The following N4BP2 variants were observed in gnomAD, a reference collection of about 807,000 sequenced individuals.
N4BP2 encodes NEDD4-binding protein 2.
In N4BP2, 91 loss-of-function variants were observed where a neutral mutation model predicts 152.8. The observed-to-expected ratio is 0.60, with a 90% CI of 0.50 to 0.71. N4BP2 has a LOEUF of 0.71. Among genes scored for constraint, N4BP2 ranks in the 30% least tolerant of loss-of-function variants. The pLI is 0.00. For synonymous variants in N4BP2, 646 were observed against 705.3 expected, an observed-to-expected ratio of 0.92 and a Z score of 1.33; for missense variants, 1,923 against 2,059.1, an observed-to-expected ratio of 0.93 and a Z score of 1.28.
At chr4:40,061,236 C>T (rs1733630685) in intron 1 of N4BP2, among the ~76,000 whole-genome samples, 1 of 151,952 alleles carries the variant, frequency 6.6e-6, no homozygotes, top group Non-Finnish European at 1.5e-5. Context: ...GTGGCATAAT[C>T]TTGGCTCACT....
At chr4:40,114,682 C>T (rs1215457206) in intron 7 of N4BP2, among the ~76,000 whole-genome samples, 3 of 152,060 alleles carry the variant, frequency 2.0e-5, no homozygotes, top group African/African-American at 7.2e-5. Flanking sequence ...CTTGTCTTGC[C>T]TGACAGGGAT....
intron 6 of N4BP2, 98 bp from the exon 7 acceptor site, chr4:40,113,334 G>C: frequency 1.1e-6 from 1 of 882,394 alleles, no homozygotes; most frequent in Non-Finnish European, 1.8e-6. Context: ...ATCAAGATTA[G>C]ATAATCTTTA....
Position 40,090,968 on chromosome 4 carries a change from A to G in N4BP2, c.-114-6259A>G, listed in dbSNP as rs192481397. On this transcript the variant is annotated intron_variant, in intron 2 of 17. Transcript: ENST00000261435. ...AAAAAAAAAAAGTTTATAAGATCCTATTGAGGTTAATAAGTGAGGACTTAG... is the reference window on the plus strand; with the variant it reads ...AAAAAAAAAAAGTTTATAAGATCCTGTTGAGGTTAATAAGTGAGGACTTAG... Among the ~76,000 whole-genome samples the G allele has an allele frequency of 9.2e-4, 124 of 135,296 alleles. 2 individuals are homozygous for G. In the South Asian group the frequency reaches 0.018, roughly 20 times the overall value. 88.8% of individuals were successfully genotyped at this position (135,296 alleles called of 152,430 possible).
rs1004562184 is a variant in N4BP2, at chr4:40,120,189, A to C, written c.2078A>C (p.Gln693Pro). The part of the protein sequence containing the change: ...MYFSDSESKL[Q>P]ATDKSENEQI... Reference sequence around the variant, plus strand: ...TTTTCTGACTCTGAAAGCAAACTACAGGCAACAGACAAAAGTGAAAACGAG... The same window carrying C: ...TTTTCTGACTCTGAAAGCAAACTACCGGCAACAGACAAAAGTGAAAACGAG... Residue 693 changes from glutamine to proline, a missense_variant, in exon 9 of 18, where the codon CAG (glutamine) becomes CCG (proline). Gln to Pro is a moderately conservative substitution (Grantham distance 76). Coordinates refer to ENST00000261435, the MANE Select transcript of N4BP2 (RefSeq NM_018177.6). 1 of 1,613,670 alleles carries C rather than the reference A, an allele frequency of 6.2e-7. No homozygotes were observed. Among genetic ancestry groups the C allele is most frequent in the Non-Finnish European group, 8.5e-7 (1 of 1,179,986 alleles).
At chr4:40,106,199 T>G (rs950968050) in intron 4 of N4BP2, among the ~76,000 whole-genome samples, 1 of 152,236 alleles carries the variant, frequency 6.6e-6, no homozygotes, top group East Asian at 1.9e-4. Flanking sequence ...TGAATATTAA[T>G]TTACATAAAG....
At chr4:40,154,105 G>A (rs576624094) in intron 17 of N4BP2, 87 bp from the exon 18 acceptor site, 20 of 885,722 alleles carry the variant, frequency 2.3e-5, no homozygotes, top group African/African-American at 1.0e-4. Flanking sequence ...TATATTAAGC[G>A]TAGGTACTTG....
chr4:40,146,763 C>T (rs1720556150), intron 16 of N4BP2, among the ~76,000 whole-genome samples: 1 of 151,896 alleles, frequency 6.6e-6, no homozygotes, highest in Admixed American at 6.6e-5. Flanking sequence ...ATTAGCTCAG[C>T]AGAATGTATT....
chr4:40,128,738 G>A (rs935203017), intron 12 of N4BP2, among the ~76,000 whole-genome samples: 1 of 151,764 alleles, frequency 6.6e-6, no homozygotes, highest in South Asian at 2.1e-4. Flanking sequence ...ATGTTGGCCA[G>A]GCTGGTCTTG....
intron 2 of N4BP2, among the ~76,000 whole-genome samples, chr4:40,080,111 T>C (rs1056962142): frequency 1.3e-5 from 2 of 152,062 alleles, no homozygotes; most frequent in Admixed American, 1.3e-4. Flanking sequence ...AATCTCTGTT[T>C]AGGTCAGGTA....
intron 13 of N4BP2, among the ~76,000 whole-genome samples, chr4:40,135,923 A>G (rs1048129725): frequency 6.6e-6 from 1 of 152,234 alleles, no homozygotes; most frequent in Non-Finnish European, 1.5e-5. Context: ...TATCTGGCCA[A>G]TGGAAGAGGT....
rs145211813 is a variant in N4BP2, at chr4:40,102,266, G to T, written c.421G>T (p.Asp141Tyr). 1.6e-5 allele frequency: 26 copies of T among 1,613,600 alleles called. No individual in the cohort carries two copies. Among genetic ancestry groups the T allele is most frequent in the Non-Finnish European group, 1.9e-5 (23 of 1,179,848 alleles). ...DSFLDMQLTE[D>Y]LDSLIQNAFE... ...ATTTTTGGACATGCAGCTAACTGAAGACCTGGATTCCTTAATACAGAATGC... is the reference window on the plus strand; with the variant it reads ...ATTTTTGGACATGCAGCTAACTGAATACCTGGATTCCTTAATACAGAATGC... The change falls in exon 4 of 18, where the codon GAC becomes TAC. Residue 141 changes from aspartate to tyrosine, a missense_variant. By Grantham distance (160) the Asp-to-Tyr change is radical (BLOSUM62 -3). Coordinates refer to ENST00000261435, the MANE Select transcript of N4BP2 (RefSeq NM_018177.6).
chr4:40,164,636 T>C, the N4BP2 span, among the ~76,000 whole-genome samples: 1 of 152,166 alleles, frequency 6.6e-6, no homozygotes, highest in African/African-American at 2.4e-5. Context: ...TGCTGCTTTG[T>C]CAAGACTGGA....
chr4:40,127,214 C>CT (rs1054652012), intron 12 of N4BP2, among the ~76,000 whole-genome samples: 12 of 151,310 alleles, frequency 7.9e-5, no homozygotes, highest in Admixed American at 2.0e-4. Flanking sequence ...TTCTTTTTTT[C>CT]TTTTTTTTAA....
chr4:40,162,720 T>A (rs1579180649), downstream of N4BP2, among the ~76,000 whole-genome samples: 1 of 152,146 alleles, frequency 6.6e-6, no homozygotes, highest in African/African-American at 2.4e-5. Flanking sequence ...TTGGTGTATG[T>A]ATTAGGGTTC....
Position 40,103,213 on chromosome 4 carries a change from G to C in N4BP2, c.1368G>C (p.Leu456Phe), listed in dbSNP as rs1275681128. ...RGLPGSGKSF[L>F]ARTLQEDNPS... ...TTCCGGGATCTGGAAAATCTTTTTTGGCAAGGTATGAGGTTTGATTGGGTT... is the reference window on the plus strand; with the variant it reads ...TTCCGGGATCTGGAAAATCTTTTTTCGCAAGGTATGAGGTTTGATTGGGTT... Residue 456 changes from leucine to phenylalanine, a missense_variant, in exon 4 of 18, where the codon TTG (leucine) becomes TTC (phenylalanine). Coordinates refer to ENST00000261435, the MANE Select transcript of N4BP2 (RefSeq NM_018177.6). 1 of 1,603,542 alleles carries C rather than the reference G, an allele frequency of 6.2e-7. No homozygotes were observed. The highest frequency in any genetic ancestry group is 8.5e-7 in the Non-Finnish European group (1 of 1,175,626).
chr4:40,076,648 C>T (rs1323646636), intron 2 of N4BP2, among the ~76,000 whole-genome samples: 4 of 152,080 alleles, frequency 2.6e-5, no homozygotes, highest in Non-Finnish European at 5.9e-5. Flanking sequence ...GCCACCACGC[C>T]TGGCTAATTT....
At chr4:40,100,926 G>A (rs1481791827) in intron 3 of N4BP2, among the ~76,000 whole-genome samples, 6 of 152,044 alleles carry the variant, frequency 3.9e-5, no homozygotes, top group Non-Finnish European at 8.8e-5. Context: ...AGTTCCCTTC[G>A]AAAATAAAAT....
At chr4:40,147,392 A>G (rs1384587276) in intron 16 of N4BP2, among the ~76,000 whole-genome samples, 3 of 152,200 alleles carry the variant, frequency 2.0e-5, no homozygotes, top group African/African-American at 7.2e-5. Flanking sequence ...CAAAACCGCC[A>G]TTGTCATCAT....
intron 16 of N4BP2, among the ~76,000 whole-genome samples, chr4:40,151,696 T>C (rs1394598581): frequency 1.3e-5 from 2 of 152,246 alleles, no homozygotes; most frequent in African/African-American, 4.8e-5. Flanking sequence ...TAGAATTTTG[T>C]GCACTGTGAA....
Sources: allele counts gnomAD v4.1 joint callset (sites outside exome capture counted in the v4.1 genomes callset), GRCh38; gene constraint gnomAD v4.1.1; transcripts MANE v1.5; gene names NCBI Gene and HGNC (gene_info 2026-07-23, HGNC 2026-07-21).